Variants in KCNQ1 observed in about 807,000 individuals in gnomAD.
The protein encoded by KCNQ1 is potassium voltage-gated channel subfamily KQT member 1.
A neutral mutation model predicts 72.4 loss-of-function variants in KCNQ1; 49 were observed. The ratio of observed to expected loss-of-function variants is 0.68; its 90% CI spans 0.54 to 0.86. The LOEUF is 0.86. KCNQ1 is among the 40% of genes least tolerant of loss of function. The pLI, the probability that KCNQ1 is intolerant of heterozygous loss-of-function variation, is 0.00. For synonymous variants in KCNQ1, 450 were observed against 412.6 expected, an observed-to-expected ratio of 1.09 and a Z score of -1.10; for missense variants, 790 against 945.1, an observed-to-expected ratio of 0.84 and a Z score of 2.15.
intron 11 of KCNQ1, among the ~76,000 whole-genome samples, chr11:2,707,579 G>A (rs946709598): frequency 9.2e-5 from 14 of 152,148 alleles, no homozygotes; most frequent in African/African-American, 1.7e-4. Flanking sequence ...CCAGGAGAGC[G>A]ATAAATGGAT....
chr11:2,780,985 T>C (rs578050999), intron 15 of KCNQ1, among the ~76,000 whole-genome samples: 1 of 152,278 alleles, frequency 6.6e-6, no homozygotes, highest in Non-Finnish European at 1.5e-5. Context: ...GCTTAGGTTC[T>C]GCCTCACTCC....
At chr11:2,806,990 C>T (rs1336005233) in intron 15 of KCNQ1, among the ~76,000 whole-genome samples, 1 of 152,062 alleles carries the variant, frequency 6.6e-6, no homozygotes, top group Non-Finnish European at 1.5e-5. Flanking sequence ...GGGGCGTAGC[C>T]CCTCTCTGCA....
chr11:2,674,475 A>T lies in KCNQ1; in HGVS notation c.1514+12394A>T, dbSNP rs994896792. The T allele has an allele frequency of 4.5e-5, 18 of 398,458 alleles. No homozygotes were observed. The highest frequency in any genetic ancestry group is 3.5e-4 in the African/African-American group (17 of 48,586). 24.7% of individuals were successfully genotyped at this position (398,458 alleles called of 1,614,324 possible). A position where few individuals can be genotyped will look rare whatever the true frequency, so the allele number is the denominator to read the frequency against. ...GTGGGGAGGAGGGCTGCCTGTCGAG[A>T]TGTGTAAGATGGCCCCAGTGTTACT... On this transcript the variant is annotated intron_variant, in intron 11 of 15. Coordinates refer to ENST00000155840, the MANE Select transcript of KCNQ1 (RefSeq NM_000218.3). The surrounding 1 kb of genome is among the most constrained non-coding windows in gnomAD (Gnocchi z 5.9).
In KCNQ1 at chr11:2,587,630, C is replaced by G. The variant is rs199472776; in HGVS notation, c.1189C>G (p.Arg397Gly). 3 of 1,613,988 alleles carry G rather than the reference C, an allele frequency of 1.9e-6. No individual in the cohort carries two copies. In the Admixed American group the frequency reaches 5.0e-5, roughly 27 times the overall value. ...CTCCTCCACCTGGAAGATCTACATC[C>G]GGAAGGCCCCCCGGAGCCACACTCT... ...PDSSTWKIYI[R>G]KAPRSHTLLS... is the part of the protein sequence containing the mutation. The change falls in exon 9 of 16, where the codon CGG becomes GGG. Residue 397 changes from arginine (R) to glycine (G), a missense_variant. Physicochemically the swap from Arg to Gly is moderately radical, Grantham distance 125. Coordinates refer to ENST00000155840, the MANE Select transcript of KCNQ1 (RefSeq NM_000218.3).
chr11:2,550,023 C>G lies in KCNQ1; in HGVS notation c.478-20605C>G, dbSNP rs1004475358. Reference sequence around the variant, plus strand: ...AGGGTGCAGGGGACTGTTTGGGCCTCGAGAGGGACGGACCCCAGAACTGGA... The same window carrying G: ...AGGGTGCAGGGGACTGTTTGGGCCTGGAGAGGGACGGACCCCAGAACTGGA... On this transcript the variant is annotated intron_variant, in intron 2 of 15. Transcript: ENST00000155840. The surrounding 1 kb of genome is among the most constrained non-coding windows in gnomAD (Gnocchi z 6.0). Among the ~76,000 whole-genome samples the G allele has an allele frequency of 6.6e-6, 1 of 152,184 alleles. No individual in the cohort carries two copies. The highest frequency in any genetic ancestry group is 2.1e-4 in the South Asian group (1 of 4,832).
chr11:2,518,655 C>A (rs191874933), intron 1 of KCNQ1, among the ~76,000 whole-genome samples: 6 of 152,098 alleles, frequency 3.9e-5, no homozygotes, highest in African/African-American at 1.4e-4. Context: ...GGCGGGCTGG[C>A]GGCTCTGTCT....
In KCNQ1 at chr11:2,772,423, C is replaced by T. The variant is rs1412598422; in HGVS notation, c.1590+3504C>T. ...CAGTCTGGACAGGCCTGCATTATCT[C>T]GGCTCATCTCAGGCTCCTGAAGTCA... On this transcript the variant is annotated intron_variant, in intron 12 of 15. Transcript: ENST00000155840. This position sits in a 1 kb window ranked among gnomAD's most constrained non-coding sequence, Gnocchi z 6.6. 6.6e-6 allele frequency among the ~76,000 whole-genome samples: 1 copy of T among 152,086 alleles called. No homozygotes were observed. The highest frequency in any genetic ancestry group is 1.9e-4 in the East Asian group (1 of 5,174).
intron 11 of KCNQ1, among the ~76,000 whole-genome samples, chr11:2,732,425 G>A (rs1845871616): frequency 6.6e-6 from 1 of 152,218 alleles, no homozygotes; most frequent in African/African-American, 2.4e-5. Flanking sequence ...CCTGGGCTGG[G>A]CAGGGGACTC....
chr11:2,553,695 T>A (rs954729890), intron 2 of KCNQ1, among the ~76,000 whole-genome samples: 1 of 151,710 alleles, frequency 6.6e-6, no homozygotes, highest in Non-Finnish European at 1.5e-5. Context: ...TTATTTATTT[T>A]ATATGTATTT....
chr11:2,630,014 A>T (rs1849327384), intron 10 of KCNQ1: 1 of 397,192 alleles, frequency 2.5e-6, no homozygotes, highest in Admixed American at 4.4e-5. Flanking sequence ...GAGGAGAGGC[A>T]TTCAGCTTTT....
At chr11:2,656,724 A>G in intron 10 of KCNQ1, 1 of 398,504 alleles carries the variant, frequency 2.5e-6, no homozygotes, top group Non-Finnish European at 4.4e-6. Context: ...TCTTAACTCT[A>G]ATGTCAAATT....
chr11:2,528,243 G>T lies in KCNQ1; in HGVS notation c.477+225G>T, dbSNP rs553277063. 5.3e-5 allele frequency among the ~76,000 whole-genome samples: 8 copies of T among 152,324 alleles called. No homozygotes were observed. In the South Asian group the frequency reaches 1.2e-3, roughly 24 times the overall value. On this transcript the variant is annotated intron_variant, in intron 2 of 15. Transcript: ENST00000155840. ...GGGACCAAGGACTGAGGGGAACCTGGAGCTGGTGGTCTGAAAGGGCTTCCT... is the reference window on the plus strand; with the variant it reads ...GGGACCAAGGACTGAGGGGAACCTGTAGCTGGTGGTCTGAAAGGGCTTCCT...
intron 15 of KCNQ1, among the ~76,000 whole-genome samples, chr11:2,798,243 C>T (rs986288192): frequency 6.6e-6 from 1 of 152,152 alleles, no homozygotes; most frequent in Non-Finnish European, 1.5e-5. Flanking sequence ...GCCCTGGGTT[C>T]CCAACCACCC....
At chr11:2,795,951 C>T (rs549946838) in intron 15 of KCNQ1, among the ~76,000 whole-genome samples, 2 of 152,270 alleles carry the variant, frequency 1.3e-5, no homozygotes, top group East Asian at 1.9e-4. Flanking sequence ...CAGGTGAGAC[C>T]GGCCTTTGGC....
At chr11:2,643,910 G>C in intron 10 of KCNQ1, 1 of 398,484 alleles carries the variant, frequency 2.5e-6, no homozygotes, top group Admixed American at 4.4e-5. Flanking sequence ...TTTTCTTTCA[G>C]CACTCTGCGT....
At position 2,529,775 on chromosome 11, in the gene KCNQ1, T is replaced by C. The variant is rs534954660; in HGVS notation, c.477+1757T>C. Reference sequence around the variant, plus strand: ...GAGGGCAGATTGCTGCTTGGGTCTGTCCAGAGCTGGGGGTGGTACCTGCGG... The same window carrying C: ...GAGGGCAGATTGCTGCTTGGGTCTGCCCAGAGCTGGGGGTGGTACCTGCGG... On this transcript the variant is annotated intron_variant, in intron 2 of 15. Transcript: ENST00000155840. Among the ~76,000 whole-genome samples the C allele has an allele frequency of 9.2e-5, 14 of 151,644 alleles. No individual in the cohort carries two copies. In the South Asian group the frequency reaches 2.9e-3, roughly 32 times the overall value.
At chr11:2,646,401 A>G (rs1849666425) in intron 10 of KCNQ1, 2 of 398,430 alleles carry the variant, frequency 5.0e-6, no homozygotes, top group Admixed American at 4.4e-5. Flanking sequence ...TATAGTTTTC[A>G]TTGTGGAAAT....
rs1847444371 is a variant in KCNQ1, at chr11:2,809,458, A to G, written c.1794+31421A>G. Among the ~76,000 whole-genome samples the G allele has an allele frequency of 6.6e-6, 1 of 152,066 alleles. No homozygotes were observed. The highest frequency in any genetic ancestry group is 1.5e-5 in the Non-Finnish European group (1 of 68,008). ...GTTGTTGTTACCGTGGCATTGGTCC[A>G]GGTTTGTGATACTTGTGCACAGCTT... On this transcript the variant is annotated intron_variant, in intron 15 of 15. Coordinates refer to ENST00000155840, the MANE Select transcript of KCNQ1 (RefSeq NM_000218.3). The surrounding 1 kb of genome is among the most constrained non-coding windows in gnomAD (Gnocchi z 7.1).
At chr11:2,692,689 C>T (rs1037904403) in intron 11 of KCNQ1, 3 of 398,566 alleles carry the variant, frequency 7.5e-6, no homozygotes, top group Admixed American at 4.4e-5. Flanking sequence ...AGTCTTTCTC[C>T]CCTTTGTCCA....
Sources: gnomAD v4.1 joint callset for allele counts (sites outside exome capture counted in the v4.1 genomes callset) on GRCh38, gnomAD v4.1.1 for gene constraint, Gnocchi (gnomAD v3.1) non-coding constraint, MANE v1.5 for transcripts, NCBI Gene and HGNC (gene_info 2026-07-23, HGNC 2026-07-21) for gene names.